FCGR3A: variants seen among roughly 807,000 people sequenced by gnomAD.
FCGR3A encodes the protein Fc gamma receptor IIIa.
A neutral mutation model predicts 24.1 loss-of-function variants in FCGR3A; 13 were observed. The observed-to-expected ratio is 0.54, with a 90% confidence interval of 0.35 to 0.86. The LOEUF is 0.86. Ranked by LOEUF, FCGR3A falls within the 40% of genes least tolerant of loss-of-function variation. The probability of loss-of-function intolerance (pLI) is 0.01; values close to 1 mark genes in which losing one functional copy is unlikely to be tolerated. For synonymous variants in FCGR3A, 93 were observed against 112.2 expected, an observed-to-expected ratio of 0.83 and a Z score of 1.08; for missense variants, 235 against 298.0, an observed-to-expected ratio of 0.79 and a Z score of 1.56.
Position 161,548,420 on chromosome 1 carries a change from C to T in FCGR3A, c.319+1G>A. 1 of 1,614,008 alleles carries T rather than the reference C, an allele frequency of 6.2e-7. No homozygotes were observed. The highest frequency in any genetic ancestry group is 8.5e-7 in the Non-Finnish European group (1 of 1,179,858). ...TTTCCTCTTCCCCTTCATCAACTCACCGATATGGACTTCTAGCTGCACCGG... is the reference window on the plus strand; with the variant it reads ...TTTCCTCTTCCCCTTCATCAACTCATCGATATGGACTTCTAGCTGCACCGG... On this transcript the variant is annotated splice_donor_variant, in intron 3 of 4. Transcript: ENST00000443193. LOFTEE classifies it high-confidence loss of function.
Position 161,548,620 on chromosome 1 carries a change from C to A in FCGR3A, c.120G>T (p.Lys40Asn), listed in dbSNP as rs147185130. The part of the protein sequence containing the change: ...LEPQWYRVLE[K>N]DSVTLKCQGA... ...CCTGGCACTTCAGAGTCACACTGTC[C>A]TTCTCGAGCACCCTGTACCATTGAG... The change falls in exon 3 of 5, where the codon AAG becomes AAT. Residue 40 changes from lysine (K) to asparagine (N), a missense_variant. By Grantham distance (94) the Lys-to-Asn change is moderately conservative. Coordinates refer to ENST00000443193, the MANE Select transcript of FCGR3A (RefSeq NM_000569.8). 3.5e-5 allele frequency: 56 copies of A among 1,613,918 alleles called. No homozygotes were observed. The African/African-American group carries it at 7.1e-4, about 20-fold the overall frequency.
intron 3 of FCGR3A, 71 bp downstream of exon 3, chr1:161,548,350 T>A (rs1307947941): frequency 6.2e-6 from 10 of 1,606,532 alleles, no homozygotes; most frequent in Non-Finnish European, 7.7e-6. Flanking sequence ...TCTCTGGCTC[T>A]TACCAAGTAT....
rs1168762167 is a variant in FCGR3A, at chr1:161,542,056, A to G, written c.*956T>C. ...AATGCAATGAACAAAGCTACACAGG[A>G]ATTAGATATTGAAGCAGAAAAGGTG... On this transcript the variant is annotated 3_prime_UTR_variant, in exon 5 of 5. Coordinates refer to ENST00000443193, the MANE Select transcript of FCGR3A (RefSeq NM_000569.8). The G allele has an allele frequency of 1.3e-5, 2 of 152,336 alleles. No individual in the cohort carries two copies. The highest frequency in any genetic ancestry group is 3.8e-4 in the East Asian group (2 of 5,322). The allele number at this position is 152,336 out of a possible 1,614,324, so 9.4% of individuals were successfully genotyped here.
chr1:161,546,471 C>T (rs1314904476), intron 3 of FCGR3A, among the ~76,000 whole-genome samples: 1 of 151,948 alleles, frequency 6.6e-6, no homozygotes, highest in Non-Finnish European at 1.5e-5. Flanking sequence ...AGTTCTCAGC[C>T]TCAAAGAATC....
At chr1:161,549,555 T>A in intron 1 of FCGR3A, 142 bp downstream of exon 1, 1 of 1,461,632 alleles carries the variant, frequency 6.8e-7, no homozygotes, top group Non-Finnish European at 9.0e-7. Context: ...TCTTGGCTTG[T>A]CCTAGGAGCT....
chr1:161,543,153 T>C lies in FCGR3A; in HGVS notation c.624A>G (p.Gln208=). Residue 208 remains glutamine, a synonymous_variant, in exon 5 of 5, where the codon CAA becomes CAG. Coordinates refer to ENST00000443193, the MANE Select transcript of FCGR3A (RefSeq NM_000569.8). ...GTACCATCACCAAGCAGAAAGAGAC[T>C]TGGTACCCAGGTGGAAAGAATGATG... ...TISSFFPPGY[Q]VSFCLVMVLL... 6.2e-7 allele frequency: 1 copy of C among 1,613,454 alleles called. No individual in the cohort carries two copies. Among genetic ancestry groups the C allele is most frequent in the East Asian group, 2.2e-5 (1 of 44,882 alleles).
At chr1:161,547,192 C>T (rs1415667349) in intron 3 of FCGR3A, among the ~76,000 whole-genome samples, 1 of 152,110 alleles carries the variant, frequency 6.6e-6, no homozygotes, top group Non-Finnish European at 1.5e-5. Flanking sequence ...AGGTGGACAT[C>T]TCTTACCTAG....
chr1:161,546,761 C>G (rs576154712), intron 3 of FCGR3A, among the ~76,000 whole-genome samples: 1 of 151,702 alleles, frequency 6.6e-6, no homozygotes, highest in Non-Finnish European at 1.5e-5. Context: ...AAAAATTAGC[C>G]GGGCGTGGTG....
chr1:161,548,101 A>G (rs1356642445), intron 3 of FCGR3A, among the ~76,000 whole-genome samples: 1 of 152,252 alleles, frequency 6.6e-6, no homozygotes, highest in Non-Finnish European at 1.5e-5. Flanking sequence ...ATGAAAATAA[A>G]TATATAAATA....
intron 4 of FCGR3A, among the ~76,000 whole-genome samples, chr1:161,543,699 C>T (rs1211005565): frequency 1.3e-4 from 20 of 152,210 alleles, no homozygotes; most frequent in African/African-American, 4.6e-4. Context: ...TCCCTAACCA[C>T]TTGGGAGTAT....
At chr1:161,546,868 G>A (rs533236240) in intron 3 of FCGR3A, among the ~76,000 whole-genome samples, 1 of 151,992 alleles carries the variant, frequency 6.6e-6, no homozygotes, top group Non-Finnish European at 1.5e-5. Context: ...TTGCGCCACT[G>A]CACTCCAGCT....
At chr1:161,546,843 T>TG (rs996364179) in intron 3 of FCGR3A, among the ~76,000 whole-genome samples, 25 of 152,018 alleles carry the variant, frequency 1.6e-4, no homozygotes, top group African/African-American at 6.0e-4. Context: ...AGGTGGAGGT[T>TG]GCAGTGAGCC....
In FCGR3A at chr1:161,541,922, AT is replaced by A. The variant is rs1368188501; in HGVS notation, c.*1089del. On this transcript the variant is annotated 3_prime_UTR_variant, in exon 5 of 5. Coordinates refer to ENST00000443193, the MANE Select transcript of FCGR3A (RefSeq NM_000569.8). Reference sequence around the variant, plus strand: ...TTCATAAGCAACAATTGTCTTCTCCATCCCCACCTCATTGGAACTGACATGA... The same window carrying A: ...TTCATAAGCAACAATTGTCTTCTCCACCCCACCTCATTGGAACTGACATGA... 6.6e-6 allele frequency: 1 copy of A among 152,258 alleles called. No individual in the cohort carries two copies. The highest frequency in any genetic ancestry group is 1.9e-4 in the East Asian group (1 of 5,344). 9.4% of individuals were successfully genotyped at this position (152,258 alleles called of 1,614,324 possible). A position where few individuals can be genotyped will look rare whatever the true frequency, so the allele number is the denominator to read the frequency against.
chr1:161,547,674 T>A (rs1677487811), intron 3 of FCGR3A, among the ~76,000 whole-genome samples: 1 of 152,230 alleles, frequency 6.6e-6, no homozygotes, highest in Non-Finnish European at 1.5e-5. Flanking sequence ...AAAGATATGA[T>A]GCTAGGCCAC....
At position 161,542,496 on chromosome 1, in the gene FCGR3A, C is replaced by T. The variant is rs1341319678; in HGVS notation, c.*516G>A. ...TCTGGGCTCAGATGGGAACACCTCC[C>T]TTAGACTATCCTGGACTACCTGCTA... is the stretch of plus-strand genomic sequence containing the variant. On this transcript the variant is annotated 3_prime_UTR_variant, in exon 5 of 5. Coordinates refer to ENST00000443193, the MANE Select transcript of FCGR3A (RefSeq NM_000569.8). The T allele has an allele frequency of 1.3e-5, 2 of 152,988 alleles. No homozygotes were observed. Among genetic ancestry groups the T allele is most frequent in the East Asian group, 3.7e-4 (2 of 5,342 alleles). The allele number at this position is 152,988 out of a possible 1,614,324, so 9.5% of individuals were successfully genotyped here. A position where few individuals can be genotyped will look rare whatever the true frequency, so the allele number is the denominator to read the frequency against.
intron 4 of FCGR3A, among the ~76,000 whole-genome samples, chr1:161,543,785 G>A (rs1298671877): frequency 6.6e-6 from 1 of 152,268 alleles, no homozygotes; most frequent in South Asian, 2.1e-4. Flanking sequence ...CTCAAAAGGT[G>A]TTTTGCTGCC....
upstream of FCGR3A, chr1:161,550,184 G>A: frequency 7.2e-6 from 3 of 414,302 alleles, no homozygotes; most frequent in Middle Eastern, 5.6e-4. Flanking sequence ...CTCAGAACTT[G>A]TCACTCTCCT....
chr1:161,543,149 A>G lies in FCGR3A; in HGVS notation c.628T>C (p.Ser210Pro). 2 of 1,613,522 alleles carry G rather than the reference A, an allele frequency of 1.2e-6. No homozygotes were observed. Among genetic ancestry groups the G allele is most frequent in the Non-Finnish European group, 1.7e-6 (2 of 1,179,624 alleles). ...SSFFPPGYQVSFCLVMVLLFA... is the reference protein window; with the variant it reads ...SSFFPPGYQVPFCLVMVLLFA... ...AGGAGTACCATCACCAAGCAGAAAGAGACTTGGTACCCAGGTGGAAAGAAT... is the reference window on the plus strand; with the variant it reads ...AGGAGTACCATCACCAAGCAGAAAGGGACTTGGTACCCAGGTGGAAAGAAT... Residue 210 changes from serine (S) to proline (P), a missense_variant, in exon 5 of 5, where the codon TCT becomes CCT. Transcript: ENST00000443193.
At chr1:161,547,682 C>T (rs1677488356) in intron 3 of FCGR3A, among the ~76,000 whole-genome samples, 2 of 152,196 alleles carry the variant, frequency 1.3e-5, no homozygotes, top group African/African-American at 4.8e-5. Flanking sequence ...GATGCTAGGC[C>T]ACTAGGATTG....
Sources: gnomAD v4.1 joint callset for allele counts (sites outside exome capture counted in the v4.1 genomes callset) on GRCh38, gnomAD v4.1.1 for gene constraint, MANE v1.5 for transcripts, NCBI Gene and HGNC (gene_info 2026-07-23, HGNC 2026-07-21) for gene names.